Variants in TMEM201 observed in about 807,000 individuals in gnomAD.
The protein encoded by TMEM201 is transmembrane protein 201.
Under a neutral mutation model 63.4 loss-of-function variants are expected in TMEM201, and 26 were observed. The observed-to-expected ratio is 0.41, with a 90% confidence interval of 0.30 to 0.57. The LOEUF is 0.57. Ranked by LOEUF, TMEM201 falls within the 20% of genes least tolerant of loss-of-function variation. The pLI is 0.29. For missense variants in TMEM201, 794 were observed against 917.7 expected, an observed-to-expected ratio of 0.87 and a Z score of 1.74; for synonymous variants, 417 against 421.6, an observed-to-expected ratio of 0.99 and a Z score of 0.14.
In TMEM201 at chr1:9,607,748, G is replaced by A. The variant is rs771678023; in HGVS notation, c.1352G>A (p.Arg451Gln). ...TCCTCATTGCCTGGCCGCCTCAGCC[G>A]GGCCCTCTCTCTGGGAACCATACCC... ...SPSSLPGRLSRALSLGTIPSL... is the reference protein window; with the variant it reads ...SPSSLPGRLSQALSLGTIPSL... The change falls in exon 7 of 11, where the codon CGG becomes CAG. Residue 451 changes from arginine (R) to glutamine (Q), a missense_variant. Physicochemically the swap from Arg to Gln is conservative, Grantham distance 43. Transcript: ENST00000340381. The surrounding 1 kb of genome is among the most constrained non-coding windows in gnomAD (Gnocchi z 5.4). The A allele has an allele frequency of 2.3e-5, 35 of 1,551,554 alleles. No individual in the cohort carries two copies. The highest frequency in any genetic ancestry group is 2.6e-5 in the Non-Finnish European group (30 of 1,147,068).
chr1:9,611,921 G>A (rs1644330018), intron 10 of TMEM201, 31 bp downstream of exon 10: 1 of 1,513,850 alleles, frequency 6.6e-7, no homozygotes, highest in East Asian at 2.5e-5. Flanking sequence ...GAGGGGAGGG[G>A]GTGGGCACAC....
Position 9,604,615 on chromosome 1 carries a change from T to G in TMEM201, c.1160+2343T>G. On this transcript the variant is annotated intron_variant, in intron 6 of 10. Transcript: ENST00000340381. The surrounding 1 kb of genome is among the most constrained non-coding windows in gnomAD (Gnocchi z 4.1). ...GGTCTGGCTGGGGTCATCCTAGGTA[T>G]GGGTGACCGTCCCTGAGACATAAGC... 1 of 985,604 alleles carries G rather than the reference T, an allele frequency of 1.0e-6. No individual in the cohort carries two copies. Among genetic ancestry groups the G allele is most frequent in the Non-Finnish European group, 1.2e-6 (1 of 829,940 alleles). 61.1% of individuals were successfully genotyped at this position (985,604 alleles called of 1,614,324 possible). A position where few individuals can be genotyped will look rare whatever the true frequency, so the allele number is the denominator to read the frequency against.
At chr1:9,590,325 T>G (rs565640912) in intron 1 of TMEM201, among the ~76,000 whole-genome samples, 3 of 152,308 alleles carry the variant, frequency 2.0e-5, no homozygotes, top group Admixed American at 2.0e-4. Flanking sequence ...TCCCAGAGCA[T>G]GTTGCCAGCT....
rs1644200230 is a variant in TMEM201 at position 9,604,126 on chromosome 1, G to A, written c.1160+1854G>A. 1 of 985,320 alleles carries A rather than the reference G, an allele frequency of 1.0e-6. No homozygotes were observed. Among genetic ancestry groups the A allele is most frequent in the Non-Finnish European group, 1.2e-6 (1 of 829,940 alleles). The allele number at this position is 985,320 out of a possible 1,614,324, so 61.0% of individuals were successfully genotyped here. A position where few individuals can be genotyped will look rare whatever the true frequency, so the allele number is the denominator to read the frequency against. On this transcript the variant is annotated intron_variant, in intron 6 of 10. Transcript: ENST00000340381. The surrounding 1 kb of genome is among the most constrained non-coding windows in gnomAD (Gnocchi z 4.1). ...AAGCGTCCTGTCGGCTGGCCATGCTGTTGCTTGCGTCTCGAATCTTCGGTT... is the reference window on the plus strand; with the variant it reads ...AAGCGTCCTGTCGGCTGGCCATGCTATTGCTTGCGTCTCGAATCTTCGGTT...
chr1:9,611,782 G>C lies in TMEM201; in HGVS notation c.1795G>C (p.Ala599Pro). The C allele has an allele frequency of 6.4e-7, 1 of 1,551,264 alleles. No homozygotes were observed. Among genetic ancestry groups the C allele is most frequent in the Non-Finnish European group, 8.7e-7 (1 of 1,147,062 alleles). Reference sequence around the variant, plus strand: ...GAGATCCAAGCTGGAAAGAGGCAGTGCCTGCAGCAACCGCTCCATCAAGAA... The same window carrying C: ...GAGATCCAAGCTGGAAAGAGGCAGTCCCTGCAGCAACCGCTCCATCAAGAA... ...DLRSKLERGSACSNRSIKKED... is the reference protein window; with the variant it reads ...DLRSKLERGSPCSNRSIKKED... The change falls in exon 10 of 11, where the codon GCC becomes CCC. Residue 599 changes from alanine to proline, a missense_variant. Ala to Pro is a conservative substitution (Grantham distance 27). Coordinates refer to ENST00000340381, the MANE Select transcript of TMEM201 (RefSeq NM_001130924.3).
rs946173230 is a variant in TMEM201 at position 9,613,250 on chromosome 1, G to A, written c.*167G>A. ...GGACACCTGCCCCTCCTCACCTAACGGACTGCAGGGCTGAGCATGTGTCTG... is the reference window on the plus strand; with the variant it reads ...GGACACCTGCCCCTCCTCACCTAACAGACTGCAGGGCTGAGCATGTGTCTG... On this transcript the variant is annotated 3_prime_UTR_variant, in exon 11 of 11. Coordinates refer to ENST00000340381, the MANE Select transcript of TMEM201 (RefSeq NM_001130924.3). 1.3e-5 allele frequency: 8 copies of A among 632,492 alleles called. No individual in the cohort carries two copies. The highest frequency in any genetic ancestry group is 8.2e-5 in the East Asian group (3 of 36,414). The allele number at this position is 632,492 out of a possible 1,614,324, so 39.2% of individuals were successfully genotyped here.
chr1:9,612,837 G>T, intron 10 of TMEM201, 149 bp from the exon 11 acceptor site: 1 of 658,376 alleles, frequency 1.5e-6, no homozygotes, highest in South Asian at 1.9e-5. Flanking sequence ...TTGGCCAAGA[G>T]AAGAATTGGG....
intron 5 of TMEM201, 116 bp from the exon 6 acceptor site, chr1:9,601,953 C>T (rs2100493114): frequency 1.6e-6 from 2 of 1,258,246 alleles, no homozygotes; most frequent in Non-Finnish European, 2.1e-6. Context: ...CCACACTGTC[C>T]CCTGGCTCTG....
Position 9,597,000 on chromosome 1 carries a change from C to A in TMEM201, c.376C>A (p.His126Asn). 3 of 1,612,314 alleles carry A rather than the reference C, an allele frequency of 1.9e-6. No homozygotes were observed. Among genetic ancestry groups the A allele is most frequent in the Non-Finnish European group, 2.5e-6 (3 of 1,179,164 alleles). The change falls in exon 3 of 11, where the codon CAC becomes AAC. Residue 126 changes from histidine (H) to asparagine (N), a missense_variant. Coordinates refer to ENST00000340381, the MANE Select transcript of TMEM201 (RefSeq NM_001130924.3). ...SQVLLCKRCN[H>N]HQTTKIKQLA... Reference sequence around the variant, plus strand: ...AGTCCTGCTGTGCAAGAGGTGCAACCACCACCAGACCACCAAGATCAAGCA... The same window carrying A: ...AGTCCTGCTGTGCAAGAGGTGCAACAACCACCAGACCACCAAGATCAAGCA...
chr1:9,610,422 G>T lies in TMEM201; in HGVS notation c.1466-84G>T. ...TTCCTGTCTTCCCGGGTTAATAGAA[G>T]AATGCCCCCAGAAATGAAATAGCGC... is the stretch of plus-strand genomic sequence containing the variant. On this transcript the variant is annotated intron_variant, in intron 8 of 10. Transcript: ENST00000340381. This position sits in a 1 kb window ranked among gnomAD's most constrained non-coding sequence, Gnocchi z 4.9. 7.6e-6 allele frequency: 10 copies of T among 1,317,500 alleles called. No individual in the cohort carries two copies. The highest frequency in any genetic ancestry group is 1.0e-5 in the Non-Finnish European group (10 of 986,142). 81.6% of individuals were successfully genotyped at this position (1,317,500 alleles called of 1,614,324 possible).
Position 9,611,671 on chromosome 1 carries a change from T to C in TMEM201, c.1766-82T>C, listed in dbSNP as rs549850290. ...GCTCACCACTTCTGACAACTGTCCT[T>C]AGAGTGGAAGTACAGCTGCCCCGCG... On this transcript the variant is annotated intron_variant, in intron 9 of 10. Transcript: ENST00000340381. The C allele has an allele frequency of 8.0e-5, 122 of 1,530,746 alleles. No homozygotes were observed. In the African/African-American group the frequency reaches 1.4e-3, roughly 18 times the overall value. 94.8% of individuals were successfully genotyped at this position (1,530,746 alleles called of 1,614,324 possible).
In TMEM201 at chr1:9,607,416, TTAAC is replaced by T. The variant is rs1644261298; in HGVS notation, c.1161-136_1161-133del. 12 of 650,572 alleles carry T rather than the reference TTAAC, an allele frequency of 1.8e-5. No individual in the cohort carries two copies. The Middle Eastern group carries it at 1.2e-3, about 65-fold the overall frequency. 40.3% of individuals were successfully genotyped at this position (650,572 alleles called of 1,614,324 possible). On this transcript the variant is annotated intron_variant, in intron 6 of 10. Transcript: ENST00000340381. This position sits in a 1 kb window ranked among gnomAD's most constrained non-coding sequence, Gnocchi z 5.4. ...AATGTGGTCGGATTGCTTTTCTGCT[TTAAC>T]TAACGCACGCCTCCTCTGGGACCCC...
intron 4 of TMEM201, among the ~76,000 whole-genome samples, chr1:9,600,537 G>A (rs943821849): frequency 2.0e-5 from 3 of 152,174 alleles, no homozygotes; most frequent in Non-Finnish European, 4.4e-5. Context: ...ACTCTCCCGG[G>A]ACACCCACCC....
chr1:9,609,989 G>T, intron 8 of TMEM201, 78 bp downstream of exon 8: 1 of 1,410,350 alleles, frequency 7.1e-7, no homozygotes, highest in Non-Finnish European at 9.8e-7. Flanking sequence ...GTTTGTGTGA[G>T]CTTTGGGGTC....
intron 3 of TMEM201, among the ~76,000 whole-genome samples, chr1:9,597,589 G>A (rs779442013): frequency 6.6e-6 from 1 of 152,178 alleles, no homozygotes; most frequent in Non-Finnish European, 1.5e-5. Flanking sequence ...CCTTGCCTGT[G>A]CCCTCCATGG....
At chr1:9,598,741 TTTTTATTTTA>T in intron 4 of TMEM201, 116 bp downstream of exon 4, 1 of 956,994 alleles carries the variant, frequency 1.0e-6, no homozygotes, top group Non-Finnish European at 1.5e-6. Context: ...AGCCCCTTTA[TTTTTATTTTA>T]TTTTATTTTA....
chr1:9,601,952 C>T, intron 5 of TMEM201, 117 bp from the exon 6 acceptor site: 1 of 1,246,952 alleles, frequency 8.0e-7, no homozygotes, highest in African/African-American at 1.5e-5. Context: ...CCCACACTGT[C>T]CCCTGGCTCT....
At chr1:9,597,116 G>C in intron 3 of TMEM201, 63 bp downstream of exon 3, 9 of 1,528,946 alleles carry the variant, frequency 5.9e-6, no homozygotes, top group Non-Finnish European at 7.9e-6. Flanking sequence ...AGCAGCCGGG[G>C]GACAGGCACG....
chr1:9,593,922 C>T (rs1643965355), intron 1 of TMEM201, among the ~76,000 whole-genome samples: 2 of 152,240 alleles, frequency 1.3e-5, no homozygotes, highest in Non-Finnish European at 2.9e-5. Flanking sequence ...GTAATTAGCA[C>T]AGGGAAGTCC....
Sources: allele counts gnomAD v4.1 joint callset (sites outside exome capture counted in the v4.1 genomes callset), GRCh38; gene constraint gnomAD v4.1.1; non-coding constraint Gnocchi (gnomAD v3.1); transcripts MANE v1.5; gene names NCBI Gene and HGNC (gene_info 2026-07-23, HGNC 2026-07-21).